The following SDK1 variants were observed in gnomAD, a reference collection of about 807,000 sequenced individuals.
SDK1 encodes protein sidekick-1.
Under a neutral mutation model 245.5 loss-of-function variants are expected in SDK1, and 157 were observed. The ratio of observed to expected loss-of-function variants is 0.64; its 90% CI spans 0.56 to 0.73. The LOEUF is 0.73. SDK1 is among the 30% of genes least tolerant of loss of function. SDK1 has a pLI of 0.00. For synonymous variants in SDK1, 1,647 were observed against 1,278.5 expected (o/e 1.29, Z -6.15); for missense variants, 3,583 against 3,002.3 (o/e 1.19, Z -4.52).
At chr7:4,134,552 G>A (rs1444068433) in intron 28 of SDK1, among the ~76,000 whole-genome samples, 1 of 152,206 alleles carries the variant, frequency 6.6e-6, no homozygotes, top group African/African-American at 2.4e-5. Flanking sequence ...CCCGGGAGCT[G>A]TCCCCAGCAT....
chr7:4,231,580 A>G (rs1785773206), intron 40 of SDK1, among the ~76,000 whole-genome samples: 1 of 151,844 alleles, frequency 6.6e-6, no homozygotes, highest in Non-Finnish European at 1.5e-5. Flanking sequence ...TCTCAAAAAA[A>G]AAAAAGAAAG....
chr7:3,562,783 C>G (rs1429342428), intron 1 of SDK1, among the ~76,000 whole-genome samples: 1 of 152,118 alleles, frequency 6.6e-6, no homozygotes, highest in Admixed American at 6.5e-5. Context: ...TTGTCACTCA[C>G]ACGTGAGGAT....
At chr7:3,578,663 T>C (rs1780382708) in intron 1 of SDK1, among the ~76,000 whole-genome samples, 1 of 151,848 alleles carries the variant, frequency 6.6e-6, no homozygotes, top group South Asian at 2.1e-4. Context: ...TTAATATTCC[T>C]TGCTAGGAAA....
At chr7:3,524,362 G>C (rs967217645) in intron 1 of SDK1, among the ~76,000 whole-genome samples, 1 of 152,168 alleles carries the variant, frequency 6.6e-6, no homozygotes, top group Admixed American at 6.5e-5. Flanking sequence ...ATGGTGGCAA[G>C]GATGGAAGCG....
intron 5 of SDK1, among the ~76,000 whole-genome samples, chr7:3,949,472 G>A (rs1420227952): frequency 6.6e-6 from 1 of 152,328 alleles, no homozygotes; most frequent in South Asian, 2.1e-4. Flanking sequence ...AGCCGGGCAG[G>A]CTAGAACCTT....
chr7:4,144,275 G>C (rs1319242344), intron 28 of SDK1, among the ~76,000 whole-genome samples: 1 of 152,146 alleles, frequency 6.6e-6, no homozygotes, highest in Non-Finnish European at 1.5e-5. Flanking sequence ...CCACATCCAG[G>C]AAGTCTCAGA....
At chr7:3,527,514 A>G (rs1041996535) in intron 1 of SDK1, among the ~76,000 whole-genome samples, 2 of 152,188 alleles carry the variant, frequency 1.3e-5, no homozygotes, top group Non-Finnish European at 2.9e-5. Context: ...AGGGCCAGCA[A>G]GAAGGTCAGA....
intron 1 of SDK1, among the ~76,000 whole-genome samples, chr7:3,418,903 A>G (rs1779458629): frequency 6.6e-6 from 1 of 152,104 alleles, no homozygotes; most frequent in African/African-American, 2.4e-5. Flanking sequence ...GCCCTGAAGA[A>G]CTCGTATATG....
chr7:3,650,900 G>A (rs189256189), intron 4 of SDK1, among the ~76,000 whole-genome samples: 1 of 149,718 alleles, frequency 6.7e-6, no homozygotes, highest in Non-Finnish European at 1.5e-5. Context: ...TTGGTTTCCT[G>A]TTGTTGTTGT....
intron 5 of SDK1, among the ~76,000 whole-genome samples, chr7:3,919,910 C>T (rs917610508): frequency 6.6e-6 from 1 of 152,144 alleles, no homozygotes; most frequent in Admixed American, 6.5e-5. Context: ...TCAGATGTGA[C>T]CAGTGGCACT....
chr7:3,447,142 A>G (rs1780364788), intron 1 of SDK1, among the ~76,000 whole-genome samples: 1 of 152,220 alleles, frequency 6.6e-6, no homozygotes, highest in African/African-American at 2.4e-5. Context: ...AGAGATTTAT[A>G]ATTCAGTATT....
intron 4 of SDK1, among the ~76,000 whole-genome samples, chr7:3,689,171 G>A (rs771814498): frequency 6.6e-6 from 1 of 152,110 alleles, no homozygotes; most frequent in African/African-American, 2.4e-5. Flanking sequence ...GCCCTTTACA[G>A]AAAATGCTTG....
chr7:4,141,054 A>G (rs1444876069), intron 28 of SDK1, among the ~76,000 whole-genome samples: 1 of 152,222 alleles, frequency 6.6e-6, no homozygotes, highest in Non-Finnish European at 1.5e-5. Flanking sequence ...CCTGCTGTCT[A>G]GTCAGGAGCT....
chr7:3,867,362 C>G (rs1780846625), intron 5 of SDK1, among the ~76,000 whole-genome samples: 1 of 152,120 alleles, frequency 6.6e-6, no homozygotes, highest in African/African-American at 2.4e-5. Flanking sequence ...AAATGCAGCC[C>G]TTTTGATTAA....
Position 3,918,047 on chromosome 7 carries a change from C to G in SDK1, c.848-32876C>G, listed in dbSNP as rs186276215. 7.6e-4 allele frequency among the ~76,000 whole-genome samples: 115 copies of G among 152,250 alleles called. 2 individuals are homozygous for G. The highest frequency in any genetic ancestry group is 7.5e-3 in the Admixed American group (115 of 15,298). On this transcript the variant is annotated intron_variant, in intron 5 of 44. Coordinates refer to ENST00000404826, the MANE Select transcript of SDK1 (RefSeq NM_152744.4). ...GTAATTCACAGTTTTGTTGGAGTCCCCTTCTAGGTAGACAAAACAGAGGAA... is the reference window on the plus strand; with the variant it reads ...GTAATTCACAGTTTTGTTGGAGTCCGCTTCTAGGTAGACAAAACAGAGGAA...
chr7:3,601,520 G>C (rs911166551), intron 1 of SDK1, among the ~76,000 whole-genome samples: 7 of 151,846 alleles, frequency 4.6e-5, no homozygotes, highest in Non-Finnish European at 1.5e-5. Context: ...GTTGTTCATA[G>C]TATTCTTTTT....
At chr7:3,811,595 C>T (rs1009520033) in intron 4 of SDK1, among the ~76,000 whole-genome samples, 2 of 152,196 alleles carry the variant, frequency 1.3e-5, no homozygotes, top group Non-Finnish European at 2.9e-5. Flanking sequence ...TGCCTCTTTT[C>T]TGACCACCCA....
intron 32 of SDK1, among the ~76,000 whole-genome samples, chr7:4,169,512 C>T (rs1179375163): frequency 6.6e-5 from 10 of 152,236 alleles, no homozygotes; most frequent in Admixed American, 3.9e-4. Context: ...AACGCCATTC[C>T]CTGCAGTTAT....
chr7:3,636,150 A>C (rs545781809), intron 2 of SDK1, among the ~76,000 whole-genome samples: 1 of 152,250 alleles, frequency 6.6e-6, no homozygotes, highest in East Asian at 1.9e-4. Context: ...TTTCACCACT[A>C]TATGTGGCAT....
Sources: allele counts gnomAD v4.1 joint callset (sites outside exome capture counted in the v4.1 genomes callset), GRCh38; gene constraint gnomAD v4.1.1; transcripts MANE v1.5; gene names NCBI Gene and HGNC (gene_info 2026-07-23, HGNC 2026-07-21).